The following GLRA3 variants were observed in gnomAD, a reference collection of about 807,000 sequenced individuals.
The protein encoded by GLRA3 is glycine receptor subunit alpha-3.
Under a neutral mutation model 60.4 loss-of-function variants are expected in GLRA3, and 44 were observed. The ratio of observed to expected loss-of-function variants is 0.73; its 90% CI spans 0.57 to 0.94. The LOEUF (loss-of-function observed/expected upper bound fraction) is 0.94. Ranked by LOEUF, GLRA3 falls within the 40% of genes least tolerant of loss-of-function variation. The pLI is 0.00. For missense variants in GLRA3, 508 were observed against 564.6 expected, an observed-to-expected ratio of 0.90 and a Z score of 1.02; for synonymous variants, 223 against 192.9, an observed-to-expected ratio of 1.16 and a Z score of -1.29.
chr4:174,772,290 A>G (rs1177276489), intron 2 of GLRA3, among the ~76,000 whole-genome samples: 2 of 152,216 alleles, frequency 1.3e-5, no homozygotes, highest in Non-Finnish European at 2.9e-5. Context: ...TAAGAAGCAG[A>G]AAGCTCTTCC....
At chr4:174,662,453 A>G (rs905789766) in intron 7 of GLRA3, among the ~76,000 whole-genome samples, 23 of 152,138 alleles carry the variant, frequency 1.5e-4, no homozygotes, top group Admixed American at 1.4e-3. Flanking sequence ...TTTGGACCCA[A>G]TGCATAATTA....
intron 3 of GLRA3, among the ~76,000 whole-genome samples, chr4:174,744,594 A>G (rs927029617): frequency 2.0e-5 from 3 of 152,244 alleles, no homozygotes; most frequent in Admixed American, 2.0e-4. Context: ...GACTGCATGC[A>G]CCCAGAATCA....
chr4:174,781,026 G>A (rs950387950), intron 2 of GLRA3, among the ~76,000 whole-genome samples: 32 of 152,114 alleles, frequency 2.1e-4, no homozygotes, highest in East Asian at 7.7e-4. Flanking sequence ...TTTCAGCACC[G>A]TACCACACCT....
At chr4:174,774,364 ATGTG>A (rs141440746) in intron 2 of GLRA3, among the ~76,000 whole-genome samples, 69 of 150,694 alleles carry the variant, frequency 4.6e-4, no homozygotes, top group African/African-American at 1.5e-3. Context: ...GTGTGTGTGT[ATGTG>A]TGTGTGTGTG....
intron 2 of GLRA3, among the ~76,000 whole-genome samples, chr4:174,783,713 G>T (rs1404415722): frequency 6.7e-6 from 1 of 148,854 alleles, no homozygotes; most frequent in Admixed American, 6.7e-5. Flanking sequence ...AAAGACACAT[G>T]AAAAAATGCT....
chr4:174,656,798 G>A lies in GLRA3; in HGVS notation c.1072-11C>T, dbSNP rs1376541731. The A allele has an allele frequency of 5.8e-6, 9 of 1,545,502 alleles. No homozygotes were observed. Among genetic ancestry groups the A allele is most frequent in the Non-Finnish European group, 8.1e-6 (9 of 1,117,998 alleles). Reference sequence around the variant, plus strand: ...TGCAAAAGCTTCTGTCTGTGGGAAGGTAAAGTGGACCAAGAGGAATTGAGA... The same window carrying A: ...TGCAAAAGCTTCTGTCTGTGGGAAGATAAAGTGGACCAAGAGGAATTGAGA... On this transcript the variant is annotated splice_polypyrimidine_tract_variant and intron_variant, in intron 8 of 9. Coordinates refer to ENST00000274093, the MANE Select transcript of GLRA3 (RefSeq NM_006529.4).
intron 9 of GLRA3, among the ~76,000 whole-genome samples, chr4:174,651,332 T>C (rs1245633921): frequency 6.6e-6 from 1 of 152,188 alleles, no homozygotes; most frequent in Non-Finnish European, 1.5e-5. Context: ...ATAGCCTTAA[T>C]TTAGCTACTT....
At chr4:174,674,901 A>G (rs1393886636) in intron 7 of GLRA3, among the ~76,000 whole-genome samples, 1 of 152,116 alleles carries the variant, frequency 6.6e-6, no homozygotes, top group Non-Finnish European at 1.5e-5. Context: ...CTGGCCCAAA[A>G]TAGTTGCAGA....
chr4:174,717,289 A>C (rs1297637068), intron 4 of GLRA3, among the ~76,000 whole-genome samples: 3 of 150,316 alleles, frequency 2.0e-5, no homozygotes, highest in Non-Finnish European at 4.4e-5. Flanking sequence ...AGAAAGAGAG[A>C]GAAAGAAAGA....
intron 3 of GLRA3, among the ~76,000 whole-genome samples, chr4:174,765,125 T>C (rs1018455701): frequency 2.0e-5 from 3 of 152,142 alleles, no homozygotes; most frequent in East Asian, 1.9e-4. Flanking sequence ...ATAAAACTTA[T>C]GGTGAGAGTG....
At chr4:174,782,085 C>T (rs1271941234) in intron 2 of GLRA3, among the ~76,000 whole-genome samples, 154 of 147,338 alleles carry the variant, frequency 1.0e-3, no homozygotes, top group Admixed American at 8.8e-3. Flanking sequence ...ACTGGCAAAC[C>T]GAATCCAGCA....
intron 9 of GLRA3, among the ~76,000 whole-genome samples, chr4:174,649,457 C>T (rs982746831): frequency 1.3e-5 from 2 of 152,174 alleles, no homozygotes; most frequent in Admixed American, 6.5e-5. Flanking sequence ...GAGCCTAGTC[C>T]TGGGCAAGTC....
intron 3 of GLRA3, among the ~76,000 whole-genome samples, chr4:174,749,166 T>A (rs565713385): frequency 5.3e-4 from 81 of 152,302 alleles, no homozygotes; most frequent in Admixed American, 1.2e-3. Flanking sequence ...AGTGTGTTCC[T>A]GGAGCCAACT....
At chr4:174,779,606 A>T (rs1358486936) in intron 2 of GLRA3, among the ~76,000 whole-genome samples, 1 of 152,194 alleles carries the variant, frequency 6.6e-6, no homozygotes, top group Non-Finnish European at 1.5e-5. Flanking sequence ...ACCAATACAG[A>T]GAAGTGCTTA....
At chr4:174,799,422 C>T (rs1739720160) in intron 1 of GLRA3, among the ~76,000 whole-genome samples, 1 of 152,112 alleles carries the variant, frequency 6.6e-6, no homozygotes, top group South Asian at 2.1e-4. Flanking sequence ...AAGGCAATCC[C>T]TATATTTGGA....
In GLRA3 at chr4:174,685,029, C is replaced by CA. The variant is rs199981028; in HGVS notation, c.575-2091dup. 2.6e-3 allele frequency among the ~76,000 whole-genome samples: 400 copies of CA among 150,994 alleles called. 3 individuals carry two copies. Among genetic ancestry groups the CA allele is most frequent in the African/African-American group, 7.2e-3 (296 of 41,130 alleles). ...TCTCAAAAAACAAAACAAAACAAAG[C>CA]AAAAAAAACAAAAACAGAAGCTCCA... On this transcript the variant is annotated intron_variant, in intron 5 of 9. Transcript: ENST00000274093.
chr4:174,697,323 T>C (rs772646932), intron 5 of GLRA3, among the ~76,000 whole-genome samples: 12 of 152,164 alleles, frequency 7.9e-5, no homozygotes, highest in Non-Finnish European at 4.4e-5. Flanking sequence ...TTGACCCAGT[T>C]TGCAAATGCT....
At chr4:174,732,777 C>CTATATA (rs66878216) in intron 3 of GLRA3, among the ~76,000 whole-genome samples, 1 of 149,746 alleles carries the variant, frequency 6.7e-6, no homozygotes, top group African/African-American at 2.5e-5. Flanking sequence ...CTCTCTCTCT[C>CTATATA]TATATATATA....
intron 4 of GLRA3, among the ~76,000 whole-genome samples, chr4:174,719,456 G>A (rs556336080): frequency 6.6e-6 from 1 of 152,116 alleles, no homozygotes; most frequent in South Asian, 2.1e-4. Context: ...AGTAAAACAT[G>A]CATAAATAAT....
Sources: allele counts gnomAD v4.1 joint callset (sites outside exome capture counted in the v4.1 genomes callset), GRCh38; gene constraint gnomAD v4.1.1; transcripts MANE v1.5; gene names NCBI Gene and HGNC (gene_info 2026-07-23, HGNC 2026-07-21).